The following ARL5B variants were observed in gnomAD, a reference collection of about 807,000 sequenced individuals.
The protein encoded by ARL5B is ARF like GTPase 5B.
In ARL5B, 10 loss-of-function variants were observed where a neutral mutation model predicts 26.9. The ratio of observed to expected loss-of-function variants is 0.37; its 90% CI spans 0.23 to 0.63. ARL5B has a LOEUF of 0.63. Ranked by LOEUF, ARL5B falls within the 30% of genes least tolerant of loss-of-function variation. The pLI is 0.62. For missense variants in ARL5B, 167 were observed against 213.9 expected (o/e 0.78, Z 1.37); for synonymous variants, 87 against 70.4 (o/e 1.24, Z -1.18).
At position 18,678,353 on chromosome 10, in the gene ARL5B, A is replaced by T. The variant is rs550363108; in HGVS notation, c.*3137A>T. The T allele has an allele frequency of 6.6e-6, 1 of 151,994 alleles. No homozygotes were observed. The highest frequency in any genetic ancestry group is 1.9e-4 in the East Asian group (1 of 5,184). 9.4% of individuals were successfully genotyped at this position (151,994 alleles called of 1,614,324 possible). A position where few individuals can be genotyped will look rare whatever the true frequency, so the allele number is the denominator to read the frequency against. ...CCCATAGCCATAGTCATTTTGATTA[A>T]GCATAATTTAACTTTCATTATAGCA... is the stretch of plus-strand genomic sequence containing the variant. On this transcript the variant is annotated 3_prime_UTR_variant, in exon 6 of 6. Transcript: ENST00000377275.
intron 1 of ARL5B, among the ~76,000 whole-genome samples, chr10:18,660,881 T>C (rs1337520158): frequency 6.6e-6 from 1 of 152,222 alleles, no homozygotes; most frequent in Non-Finnish European, 1.5e-5. Flanking sequence ...AGAGTCTTTC[T>C]CTGTCGCCCA....
At chr10:18,664,994 T>A (rs1564863971) in intron 1 of ARL5B, among the ~76,000 whole-genome samples, 1 of 152,204 alleles carries the variant, frequency 6.6e-6, no homozygotes. Flanking sequence ...TGCTTATCTT[T>A]AAACTAGTGG....
At chr10:18,671,101 C>T (rs145634841) in intron 3 of ARL5B, among the ~76,000 whole-genome samples, 44 of 152,254 alleles carry the variant, frequency 2.9e-4, no homozygotes, top group Non-Finnish European at 4.7e-4. Flanking sequence ...CTTTGCCACG[C>T]GACATTCTTT....
chr10:18,663,438 A>C (rs1430651162), intron 1 of ARL5B, among the ~76,000 whole-genome samples: 1 of 151,976 alleles, frequency 6.6e-6, no homozygotes, highest in East Asian at 1.9e-4. Context: ...ATTTCATGTT[A>C]TCATTTTGAA....
At chr10:18,673,118 C>T (rs545204718) in intron 4 of ARL5B, among the ~76,000 whole-genome samples, 5 of 151,748 alleles carry the variant, frequency 3.3e-5, no homozygotes, top group Middle Eastern at 3.4e-3. Flanking sequence ...GCTGGAGTAC[C>T]GTGGCGCGAT....
At chr10:18,673,099 G>A (rs1281922135) in intron 4 of ARL5B, among the ~76,000 whole-genome samples, 2 of 151,418 alleles carry the variant, frequency 1.3e-5, no homozygotes, top group Admixed American at 6.6e-5. Flanking sequence ...GTCTTGCTCT[G>A]TTGCCCAGGC....
rs1235648634 is a variant in ARL5B at position 18,679,131 on chromosome 10, C to CTTAAATTCAGCGAATTAATAGCTGAAT, written c.*3916_*3942dup. ...AAACGTATCAGTAACTGCTATTCAA[C>CTTAAATTCAGCGAATTAATAGCTGAAT]TTAAATTCAGCGAATTAATAGCTGA... On this transcript the variant is annotated 3_prime_UTR_variant, in exon 6 of 6. Coordinates refer to ENST00000377275, the MANE Select transcript of ARL5B (RefSeq NM_178815.5). 71 of 151,920 alleles carry CTTAAATTCAGCGAATTAATAGCTGAAT rather than the reference C, an allele frequency of 4.7e-4. No individual in the cohort carries two copies. The highest frequency in any genetic ancestry group is 1.5e-3 in the African/African-American group (62 of 41,530). 9.4% of individuals were successfully genotyped at this position (151,920 alleles called of 1,614,324 possible). A position where few individuals can be genotyped will look rare whatever the true frequency, so the allele number is the denominator to read the frequency against.
chr10:18,667,948 C>T (rs2059869049), intron 2 of ARL5B, among the ~76,000 whole-genome samples: 1 of 152,096 alleles, frequency 6.6e-6, no homozygotes, highest in African/African-American at 2.4e-5. Flanking sequence ...TTCTTGACCT[C>T]AGGTGATCCA....
chr10:18,660,180 C>G (rs942284856), intron 1 of ARL5B, among the ~76,000 whole-genome samples: 1 of 152,004 alleles, frequency 6.6e-6, no homozygotes, highest in Non-Finnish European at 1.5e-5. Context: ...AATGAGTTGT[C>G]CTATTCAGAT....
intron 2 of ARL5B, among the ~76,000 whole-genome samples, chr10:18,667,441 A>G (rs989331082): frequency 1.3e-5 from 2 of 152,202 alleles, no homozygotes; most frequent in Middle Eastern, 3.2e-3. Flanking sequence ...AAACATTTTC[A>G]TTCATTGGTG....
intron 2 of ARL5B, among the ~76,000 whole-genome samples, chr10:18,667,839 A>C: frequency 1.3e-5 from 2 of 151,842 alleles, no homozygotes. Flanking sequence ...CTCAGCTTCC[A>C]GAGTAGCTGG....
chr10:18,672,229 G>C (rs2059891262), intron 3 of ARL5B, among the ~76,000 whole-genome samples: 1 of 152,118 alleles, frequency 6.6e-6, no homozygotes, highest in African/African-American at 2.4e-5. Context: ...AGCAATTATT[G>C]ACTGTTTAGA....
rs564985738 is a variant in ARL5B, at chr10:18,678,304, T to C, written c.*3088T>C. On this transcript the variant is annotated 3_prime_UTR_variant, in exon 6 of 6. Transcript: ENST00000377275. Reference sequence around the variant, plus strand: ...AGGTAATAAATTTAAGTTTCATTGCTGAAAAATTTTAAATGAGTGCCACCC... The same window carrying C: ...AGGTAATAAATTTAAGTTTCATTGCCGAAAAATTTTAAATGAGTGCCACCC... The C allele has an allele frequency of 6.8e-6, 1 of 147,402 alleles. No homozygotes were observed. Among genetic ancestry groups the C allele is most frequent in the African/African-American group, 2.5e-5 (1 of 40,032 alleles). The allele number at this position is 147,402 out of a possible 1,614,324, so 9.1% of individuals were successfully genotyped here.
intron 3 of ARL5B, among the ~76,000 whole-genome samples, chr10:18,669,953 C>T (rs934566182): frequency 2.1e-5 from 3 of 145,870 alleles, no homozygotes; most frequent in Non-Finnish European, 3.0e-5. Flanking sequence ...GAGGTGGCAC[C>T]ACTGCACTCC....
intron 4 of ARL5B, among the ~76,000 whole-genome samples, chr10:18,673,211 G>T (rs540246453): frequency 2.0e-5 from 3 of 151,908 alleles, no homozygotes; most frequent in African/African-American, 7.3e-5. Context: ...ACAGGAACCC[G>T]CCACCACGCC....
intron 2 of ARL5B, among the ~76,000 whole-genome samples, chr10:18,667,363 A>G (rs996670061): frequency 6.6e-6 from 1 of 152,204 alleles, no homozygotes; most frequent in African/African-American, 2.4e-5. Context: ...TTTTTCAGCT[A>G]CTTTGCTAAA....
Position 18,659,601 on chromosome 10 carries a change from C to G in ARL5B, c.-37C>G. The G allele has an allele frequency of 5.6e-6, 9 of 1,598,104 alleles. No homozygotes were observed. The highest frequency in any genetic ancestry group is 7.7e-6 in the Non-Finnish European group (9 of 1,173,146). ...GGGGGACCCGGCGCAGCGGCACCTG[C>G]TGCCGAGGGACCCCGCGGCCCGCCC... On this transcript the variant is annotated 5_prime_UTR_variant, in exon 1 of 6. Transcript: ENST00000377275.
At chr10:18,675,112 C>T in intron 5 of ARL5B, 56 bp from the exon 6 acceptor site, 1 of 1,528,622 alleles carries the variant, frequency 6.5e-7, no homozygotes, top group Non-Finnish European at 9.0e-7. Context: ...AATAAGTACG[C>T]TTTCAGTTTT....
At chr10:18,670,872 T>C (rs2059884055) in intron 3 of ARL5B, among the ~76,000 whole-genome samples, 1 of 152,204 alleles carries the variant, frequency 6.6e-6, no homozygotes, top group African/African-American at 2.4e-5. Context: ...GCCATTTGCA[T>C]GAAACGTTCT....
Sources: gnomAD v4.1 joint callset for allele counts (sites outside exome capture counted in the v4.1 genomes callset) on GRCh38, gnomAD v4.1.1 for gene constraint, MANE v1.5 for transcripts, NCBI Gene and HGNC (gene_info 2026-07-23, HGNC 2026-07-21) for gene names.